The following GNG12 variants were observed in gnomAD, a reference collection of about 807,000 sequenced individuals.
GNG12 encodes the protein G protein subunit gamma 12.
For synonymous variants in GNG12, 28 were observed against 29.7 expected, an observed-to-expected ratio of 0.94 and a Z score of 0.19; for missense variants, 69 against 83.8, an observed-to-expected ratio of 0.82 and a Z score of 0.69.
At position 67,763,848 on chromosome 1, in the gene GNG12, A is replaced by T. The variant is rs186399256; in HGVS notation, c.-27+13610T>A. ...AAAAGAATATGTTAAGATTGTTACT[A>T]TATTAACAACTTTTGTCTAAGAAGC... On this transcript the variant is annotated intron_variant, in intron 2 of 3. Coordinates refer to ENST00000370982, the MANE Select transcript of GNG12 (RefSeq NM_018841.6). Among the ~76,000 whole-genome samples the T allele has an allele frequency of 6.2e-3, 951 of 152,224 alleles. 7 individuals carry two copies. Among genetic ancestry groups the T allele is most frequent in the African/African-American group, 0.022 (917 of 41,534 alleles).
intron 2 of GNG12, among the ~76,000 whole-genome samples, chr1:67,711,414 G>A (rs1241170762): frequency 6.6e-6 from 1 of 151,696 alleles, no homozygotes; most frequent in East Asian, 1.9e-4. Flanking sequence ...ATAGGATCCT[G>A]AGCTACAGAA....
At chr1:67,823,763 G>A (rs764360738) in intron 1 of GNG12, among the ~76,000 whole-genome samples, 5 of 152,212 alleles carry the variant, frequency 3.3e-5, no homozygotes, top group Non-Finnish European at 7.3e-5. Flanking sequence ...GTACTACAGA[G>A]CACTGTGATT....
chr1:67,717,167 T>C (rs760876750), intron 2 of GNG12, among the ~76,000 whole-genome samples: 8 of 152,132 alleles, frequency 5.3e-5, no homozygotes, highest in Non-Finnish European at 8.8e-5. Context: ...AGTCTCCGCC[T>C]CTTGATCCTC....
At chr1:67,825,331 G>T (rs529720007) in intron 1 of GNG12, among the ~76,000 whole-genome samples, 1 of 152,144 alleles carries the variant, frequency 6.6e-6, no homozygotes, top group Non-Finnish European at 1.5e-5. Flanking sequence ...TTTTCACAAG[G>T]TGTATTGTCT....
In GNG12 at chr1:67,819,758, T is replaced by C. The variant is rs189075126; in HGVS notation, c.-77+13586A>G. On this transcript the variant is annotated intron_variant, in intron 1 of 3. Coordinates refer to ENST00000370982, the MANE Select transcript of GNG12 (RefSeq NM_018841.6). ...CTTTACACTCCTACCACAGGAGCCTTCTTTTTGTGCTCAAACATGCGAAGC... is the reference window on the plus strand; with the variant it reads ...CTTTACACTCCTACCACAGGAGCCTCCTTTTTGTGCTCAAACATGCGAAGC... Among the ~76,000 whole-genome samples, 16 of 152,352 alleles carry C rather than the reference T, an allele frequency of 1.1e-4. No homozygotes were observed. In the East Asian group the frequency reaches 3.1e-3, roughly 29 times the overall value.
chr1:67,708,987 C>T (rs551676896), intron 2 of GNG12, among the ~76,000 whole-genome samples: 4 of 152,374 alleles, frequency 2.6e-5, no homozygotes, highest in East Asian at 1.9e-4. Context: ...GTGGGCACCA[C>T]GGTGCTCCAC....
chr1:67,721,253 A>G (rs12086366), intron 2 of GNG12, among the ~76,000 whole-genome samples: 1,635 of 152,264 alleles, frequency 0.011, 33 homozygotes, highest in African/African-American at 0.037. Flanking sequence ...GGTTCACAGT[A>G]CTCCAAGGTG....
intron 2 of GNG12, among the ~76,000 whole-genome samples, chr1:67,709,924 TTA>T (rs1172743916): frequency 1.5e-4 from 6 of 41,348 alleles, no homozygotes; most frequent in Non-Finnish European, 1.8e-4. Flanking sequence ...ATATATATAG[TTA>T]TATATATAGT....
rs116983316 is a variant in GNG12 at position 67,754,508 on chromosome 1, A to C, written c.-27+22950T>G. Among the ~76,000 whole-genome samples, 27 of 152,130 alleles carry C rather than the reference A, an allele frequency of 1.8e-4. No homozygotes were observed. The East Asian group carries it at 2.5e-3, about 14-fold the overall frequency. On this transcript the variant is annotated intron_variant, in intron 2 of 3. Coordinates refer to ENST00000370982, the MANE Select transcript of GNG12 (RefSeq NM_018841.6). ...TATTTTTACCCCACTGCCCCACCCT[A>C]GTTGGGAGTATAAGCAGCTGGCCCC...
Position 67,768,730 on chromosome 1 carries a change from A to G in GNG12, c.-27+8728T>C, listed in dbSNP as rs182725960. ...CCGTAACCATGTTCAAAGTGTCTCAATAGATAAGGAAAGTTTGAACTCTAG... is the reference window on the plus strand; with the variant it reads ...CCGTAACCATGTTCAAAGTGTCTCAGTAGATAAGGAAAGTTTGAACTCTAG... On this transcript the variant is annotated intron_variant, in intron 2 of 3. Transcript: ENST00000370982. 2.0e-5 allele frequency among the ~76,000 whole-genome samples: 3 copies of G among 152,342 alleles called. No individual in the cohort carries two copies. In the East Asian group the frequency reaches 5.8e-4, roughly 29 times the overall value.
intron 2 of GNG12, among the ~76,000 whole-genome samples, chr1:67,730,982 T>C (rs1037857424): frequency 1.3e-5 from 2 of 152,194 alleles, no homozygotes; most frequent in African/African-American, 4.8e-5. Flanking sequence ...ATAGCATTCA[T>C]CCAGAACATC....
intron 1 of GNG12, among the ~76,000 whole-genome samples, chr1:67,786,892 G>A (rs946651458): frequency 6.6e-6 from 1 of 150,426 alleles, no homozygotes; most frequent in Non-Finnish European, 1.5e-5. Context: ...AGCAGATATT[G>A]AGCCACTGCA....
In GNG12 at chr1:67,785,839, T is replaced by C. The variant is rs532494826; in HGVS notation, c.-76-8332A>G. Among the ~76,000 whole-genome samples the C allele has an allele frequency of 1.6e-3, 240 of 152,304 alleles. 2 individuals are homozygous for C. Among genetic ancestry groups the C allele is most frequent in the African/African-American group, 5.7e-3 (236 of 41,576 alleles). On this transcript the variant is annotated intron_variant, in intron 1 of 3. Coordinates refer to ENST00000370982, the MANE Select transcript of GNG12 (RefSeq NM_018841.6). ...GAATGTCTAAGAATGTTTCCAACCA[T>C]GTACAAATCTGTATAAATATGTAAC...
At chr1:67,740,533 A>T (rs1158503) in intron 2 of GNG12, among the ~76,000 whole-genome samples, 4,868 of 152,346 alleles carry the variant, frequency 0.032, 228 homozygotes, top group African/African-American at 0.1. Context: ...TTGGCCCTTT[A>T]CAGAACAAGT....
chr1:67,751,184 G>GACACAC lies in GNG12; in HGVS notation c.-27+26268_-27+26273dup, dbSNP rs3835466. Among the ~76,000 whole-genome samples, 899 of 140,790 alleles carry GACACAC rather than the reference G, an allele frequency of 6.4e-3. 8 individuals carry two copies. Among genetic ancestry groups the GACACAC allele is most frequent in the African/African-American group, 0.021 (845 of 39,416 alleles). The allele number at this position is 140,790 out of a possible 152,430, so 92.4% of individuals were successfully genotyped here. On this transcript the variant is annotated intron_variant, in intron 2 of 3. Transcript: ENST00000370982. ...GCCCATTTACATGGATACACATACA[G>GACACAC]ACACACACACACACACACACACACA...
chr1:67,827,819 CT>C (rs1647020103), intron 1 of GNG12, among the ~76,000 whole-genome samples: 1 of 152,200 alleles, frequency 6.6e-6, no homozygotes, highest in African/African-American at 2.4e-5. Context: ...TAACCAGACA[CT>C]TCACAACTGA....
chr1:67,728,740 C>G (rs1175987222), intron 2 of GNG12, among the ~76,000 whole-genome samples: 4 of 152,072 alleles, frequency 2.6e-5, no homozygotes, highest in Admixed American at 2.0e-4. Flanking sequence ...CTTTCTTTAC[C>G]AAGGGAGCTC....
At chr1:67,757,861 T>C (rs1646578888) in intron 2 of GNG12, among the ~76,000 whole-genome samples, 1 of 152,228 alleles carries the variant, frequency 6.6e-6, no homozygotes, top group Non-Finnish European at 1.5e-5. Context: ...AGATTTGAGA[T>C]GGCTCAGCTC....
intron 1 of GNG12, among the ~76,000 whole-genome samples, chr1:67,788,723 A>T (rs1482805785): frequency 6.6e-6 from 1 of 152,224 alleles, no homozygotes; most frequent in African/African-American, 2.4e-5. Context: ...ATTTTCATGT[A>T]TCTTTGTTAA....
Sources: allele counts gnomAD v4.1 joint callset (sites outside exome capture counted in the v4.1 genomes callset), GRCh38; gene constraint gnomAD v4.1.1; transcripts MANE v1.5; gene names NCBI Gene and HGNC (gene_info 2026-07-23, HGNC 2026-07-21).